The following PALLD variants were observed in gnomAD, a reference collection of about 807,000 sequenced individuals.
PALLD encodes the protein palladin.
Under a neutral mutation model 123.5 loss-of-function variants are expected in PALLD, and 61 were observed. The ratio of observed to expected loss-of-function variants is 0.49; its 90% CI spans 0.40 to 0.61. The LOEUF (loss-of-function observed/expected upper bound fraction) is 0.61, where lower values mean the gene tolerates loss of function less well. Ranked by LOEUF, PALLD falls within the 20% of genes least tolerant of loss-of-function variation. The pLI is 0.00. For missense variants in PALLD, 1,273 were observed against 1,377.0 expected, an observed-to-expected ratio of 0.92 and a Z score of 1.20; for synonymous variants, 465 against 496.4, an observed-to-expected ratio of 0.94 and a Z score of 0.84.
chr4:168,648,862 G>A (rs1270675473), intron 2 of PALLD: 1 of 152,144 alleles, frequency 6.6e-6, no homozygotes, highest in Non-Finnish European at 1.5e-5. Flanking sequence ...CTCTCACCCT[G>A]CTCCCATCAC....
chr4:168,624,249 C>T (rs1422983249), intron 2 of PALLD, among the ~76,000 whole-genome samples: 1 of 151,842 alleles, frequency 6.6e-6, no homozygotes, highest in African/African-American at 2.4e-5. Context: ...CGAAATGGAG[C>T]TTGTTGTAGG....
chr4:168,566,592 T>C (rs1352972760), intron 2 of PALLD, among the ~76,000 whole-genome samples: 1 of 152,168 alleles, frequency 6.6e-6, no homozygotes, highest in Admixed American at 6.6e-5. Flanking sequence ...GCCACCATGC[T>C]CAGCTATCTC....
At chr4:168,907,141 T>C (rs1262289739) in intron 15 of PALLD, among the ~76,000 whole-genome samples, 2 of 151,814 alleles carry the variant, frequency 1.3e-5, no homozygotes, top group East Asian at 1.9e-4. Flanking sequence ...ATAATAATAA[T>C]ACAGATTTAA....
intron 10 of PALLD, among the ~76,000 whole-genome samples, chr4:168,874,643 C>A (rs1001857353): frequency 1.5e-5 from 1 of 66,846 alleles, no homozygotes; most frequent in African/African-American, 4.8e-5. Context: ...GAAAATATAG[C>A]CACAGATTTT....
intron 10 of PALLD, among the ~76,000 whole-genome samples, chr4:168,759,860 C>G (rs1046521163): frequency 1.3e-5 from 2 of 152,008 alleles, no homozygotes; most frequent in African/African-American, 4.8e-5. Context: ...TCGAGATCAG[C>G]CTGGCCAACA....
chr4:168,770,513 C>G (rs78754114), intron 10 of PALLD, among the ~76,000 whole-genome samples: 109 of 152,290 alleles, frequency 7.2e-4, no homozygotes, highest in African/African-American at 2.5e-3. Flanking sequence ...AATGAGAGAA[C>G]CTAAGCTTGG....
At chr4:168,596,848 AAAC>A (rs1772036579) in intron 2 of PALLD, among the ~76,000 whole-genome samples, 1 of 152,128 alleles carries the variant, frequency 6.6e-6, no homozygotes, top group South Asian at 2.1e-4. Context: ...TATGTTTCTT[AAAC>A]TGTGCTTATC....
At chr4:168,577,325 C>T (rs1011748800) in intron 2 of PALLD, among the ~76,000 whole-genome samples, 3 of 151,968 alleles carry the variant, frequency 2.0e-5, no homozygotes, top group African/African-American at 4.8e-5. Flanking sequence ...TCTTTTCTAC[C>T]GACTAAGTTA....
chr4:168,852,211 C>T (rs1747902589), intron 10 of PALLD, among the ~76,000 whole-genome samples: 1 of 152,154 alleles, frequency 6.6e-6, no homozygotes, highest in Non-Finnish European at 1.5e-5. Flanking sequence ...AAGAAATATA[C>T]ACCAAGCCCA....
intron 5 of PALLD, among the ~76,000 whole-genome samples, chr4:168,683,672 C>CT (rs1219015401): frequency 2.7e-5 from 4 of 150,860 alleles, no homozygotes; most frequent in Non-Finnish European, 4.4e-5. Flanking sequence ...ATATGAACTT[C>CT]TTTTAAAAAA....
At chr4:168,603,846 A>G (rs1414705949) in intron 2 of PALLD, among the ~76,000 whole-genome samples, 1 of 152,218 alleles carries the variant, frequency 6.6e-6, no homozygotes, top group Non-Finnish European at 1.5e-5. Flanking sequence ...AACAAAAATT[A>G]AACAGTTCTT....
intron 2 of PALLD, among the ~76,000 whole-genome samples, chr4:168,664,813 T>C (rs1356511548): frequency 6.7e-6 from 1 of 150,074 alleles, no homozygotes; most frequent in East Asian, 1.9e-4. Flanking sequence ...GATGGCAGGC[T>C]CTCCCTAAAA....
chr4:168,869,959 G>A lies in PALLD; in HGVS notation c.1965-20963G>A. 6.6e-6 allele frequency among the ~76,000 whole-genome samples: 1 copy of A among 152,186 alleles called. No homozygotes were observed. Among genetic ancestry groups the A allele is most frequent in the East Asian group, 1.9e-4 (1 of 5,198 alleles). The stretch of plus-strand genomic sequence containing the variant: ...AGTCCCAGAAGTAAGAGAACAAGGA[G>A]AGTTGTTAGTGATGTCAAGGGAGAA... On this transcript the variant is annotated intron_variant, in intron 10 of 21. Coordinates refer to ENST00000505667, the MANE Select transcript of PALLD (RefSeq NM_001166108.2). The surrounding 1 kb of genome is among the most constrained non-coding windows in gnomAD (Gnocchi z 4.5).
At chr4:168,695,794 G>A (rs1783076066) in intron 8 of PALLD, among the ~76,000 whole-genome samples, 1 of 151,910 alleles carries the variant, frequency 6.6e-6, no homozygotes, top group Admixed American at 6.6e-5. Context: ...AATTGTTTAG[G>A]CATAAACACT....
At chr4:168,749,154 CTT>C (rs778726419) in intron 10 of PALLD, among the ~76,000 whole-genome samples, 36 of 152,148 alleles carry the variant, frequency 2.4e-4, no homozygotes, top group Non-Finnish European at 4.7e-4. Context: ...CTCTCTCTCT[CTT>C]GCTCCTGCTC....
chr4:168,745,788 C>T (rs781650100), intron 10 of PALLD, among the ~76,000 whole-genome samples: 5 of 143,402 alleles, frequency 3.5e-5, no homozygotes, highest in Middle Eastern at 7.1e-3. Context: ...AAACTACCTG[C>T]GCTAGTTTGC....
At chr4:168,564,738 T>G (rs1768197706) in intron 2 of PALLD, among the ~76,000 whole-genome samples, 2 of 152,186 alleles carry the variant, frequency 1.3e-5, no homozygotes, top group Admixed American at 1.3e-4. Context: ...CTCAAGGACA[T>G]TAATGTAATT....
At chr4:168,714,135 GT>G (rs1469345392) in intron 10 of PALLD, among the ~76,000 whole-genome samples, 1 of 151,644 alleles carries the variant, frequency 6.6e-6, no homozygotes, top group Non-Finnish European at 1.5e-5. Context: ...ATTGGATTTT[GT>G]TTTATTACAA....
intron 2 of PALLD, among the ~76,000 whole-genome samples, chr4:168,562,411 T>G (rs952843803): frequency 3.9e-5 from 6 of 152,222 alleles, no homozygotes; most frequent in South Asian, 2.1e-4. Context: ...GATATCGCTA[T>G]GAACAAGACA....
Sources: allele counts gnomAD v4.1 joint callset (sites outside exome capture counted in the v4.1 genomes callset), GRCh38; gene constraint gnomAD v4.1.1; non-coding constraint Gnocchi (gnomAD v3.1); transcripts MANE v1.5; gene names NCBI Gene and HGNC (gene_info 2026-07-23, HGNC 2026-07-21).